FDXR: variants seen among roughly 807,000 people sequenced by gnomAD.
FDXR encodes NADPH:adrenodoxin oxidoreductase, mitochondrial.
FDXR carries 38 observed loss-of-function variants against 58.3 expected under a neutral mutation model. That is an observed-to-expected ratio of 0.65 (90% CI 0.50 to 0.85). The LOEUF is 0.85. FDXR is among the 40% of genes least tolerant of loss of function. The probability of loss-of-function intolerance (pLI) is 0.00; values close to 1 mark genes in which losing one functional copy is unlikely to be tolerated. For synonymous variants in FDXR, 275 were observed against 273.8 expected, an observed-to-expected ratio of 1.00 and a Z score of -0.04; for missense variants, 624 against 671.0, an observed-to-expected ratio of 0.93 and a Z score of 0.77.
chr17:74,867,924 T>G (rs2038248190), intron 2 of FDXR, among the ~76,000 whole-genome samples: 1 of 152,078 alleles, frequency 6.6e-6, no homozygotes. Context: ...CACAGGCCGG[T>G]TAGCAGTAAA....
At chr17:74,867,420 C>T (rs1043369868) in intron 2 of FDXR, among the ~76,000 whole-genome samples, 9 of 151,114 alleles carry the variant, frequency 6.0e-5, no homozygotes, top group Non-Finnish European at 8.8e-5. Context: ...TATATCAGGG[C>T]GGCTTCTTTA....
At chr17:74,863,045 C>A in intron 11 of FDXR, 31 bp downstream of exon 11, 1 of 1,603,706 alleles carries the variant, frequency 6.2e-7, no homozygotes, top group Non-Finnish European at 8.5e-7. Flanking sequence ...ACCCACCCCA[C>A]CTCCCAGGAC....
chr17:74,868,787 C>A (rs1311952967), intron 2 of FDXR: 2 of 1,463,438 alleles, frequency 1.4e-6, no homozygotes, highest in Non-Finnish European at 9.0e-7. Flanking sequence ...TCCCTCCTCC[C>A]TGAGGATTTA....
chr17:74,864,556 C>T lies in FDXR; in HGVS notation c.726G>A (p.Arg242=), dbSNP rs753973181. The change falls in exon 8 of 12, where the codon CGG becomes CGA. Residue 242 remains arginine (R), a synonymous_variant. Coordinates refer to ENST00000293195, the MANE Select transcript of FDXR (RefSeq NM_024417.5). ...LQVAFTIKEL[R]EMIQLPGARP... is the part of the protein sequence containing the mutation. ...GGGCTCCCGGTAACTGAATCATCTC[C>T]CGAAGCTCCTTGAAGGTGGGAGCAG... is the stretch of plus-strand genomic sequence containing the variant. 48 of 1,613,832 alleles carry T rather than the reference C, an allele frequency of 3.0e-5. No individual in the cohort carries two copies. The highest frequency in any genetic ancestry group is 4.0e-5 in the Non-Finnish European group (47 of 1,179,904).
chr17:74,872,035 C>A lies in FDXR; in HGVS notation c.177+1G>T, dbSNP rs1264403110. 6.3e-7 allele frequency: 1 copy of A among 1,582,018 alleles called. No individual in the cohort carries two copies. Among genetic ancestry groups the A allele is most frequent in the East Asian group, 2.2e-5 (1 of 44,542 alleles). Reference sequence around the variant, plus strand: ...TGATGGACTATGAGTAAGTGGCTTACCTTTAGCAGGTGTTGGGCCGTGTAG... The same window carrying A: ...TGATGGACTATGAGTAAGTGGCTTAACTTTAGCAGGTGTTGGGCCGTGTAG... On this transcript the variant is annotated splice_donor_variant, in intron 2 of 11. Transcript: ENST00000293195. LOFTEE classifies it high-confidence loss of function.
chr17:74,870,797 C>CT (rs200476203), intron 2 of FDXR, among the ~76,000 whole-genome samples: 54,319 of 88,036 alleles, frequency 0.62, 17,970 homozygotes, highest in Admixed American at 0.71. Flanking sequence ...CACTGTCTCT[C>CT]TTTTTTTTTT....
chr17:74,863,844 C>A (rs747036767), intron 10 of FDXR, 52 bp downstream of exon 10: 3 of 1,568,888 alleles, frequency 1.9e-6, no homozygotes, highest in Non-Finnish European at 2.6e-6. Flanking sequence ...GAGATACCAG[C>A]TTCTCGGCCT....
At chr17:74,867,306 CAAAAAAA>C (rs56079045) in intron 2 of FDXR, among the ~76,000 whole-genome samples, 7 of 16,544 alleles carry the variant, frequency 4.2e-4, no homozygotes, top group African/African-American at 5.8e-4. Flanking sequence ...GACTCTGTCT[CAAAAAAA>C]AAAAAAAAAA....
chr17:74,864,865 C>G lies in FDXR; in HGVS notation c.676G>C (p.Val226Leu), dbSNP rs751791983. 1 of 1,614,174 alleles carries G rather than the reference C, an allele frequency of 6.2e-7. No homozygotes were observed. Among genetic ancestry groups the G allele is most frequent in the Non-Finnish European group, 8.5e-7 (1 of 1,180,024 alleles). The change falls in exon 7 of 12, where the codon GTG becomes CTG. Residue 226 changes from valine to leucine, a missense_variant. By Grantham distance (32) the Val-to-Leu change is conservative. Transcript: ENST00000293195. ...RQSRVKTVWLVGRRGPLQVAF... is the reference protein window; with the variant it reads ...RQSRVKTVWLLGRRGPLQVAF... ...ACTTGCAGGGGTCCACGCCGGCCCA[C>G]TAGCCACACTGTCTTCACTCGACTC...
intron 2 of FDXR, chr17:74,868,429 A>C (rs912839454): frequency 2.9e-5 from 21 of 728,908 alleles, no homozygotes; most frequent in Non-Finnish European, 4.9e-5. Context: ...GAGAGCTATC[A>C]TTACTATTCT....
At chr17:74,863,290 T>A (rs529749122) in intron 10 of FDXR, 44 bp from the exon 11 acceptor site, 3 of 1,566,814 alleles carry the variant, frequency 1.9e-6, no homozygotes, top group Non-Finnish European at 2.6e-6. Context: ...GGTGGCTGGA[T>A]ACCACCCTGG....
intron 2 of FDXR, 74 bp from the exon 3 acceptor site, chr17:74,866,950 C>T (rs1452125417): frequency 6.4e-7 from 1 of 1,566,810 alleles, no homozygotes; most frequent in Admixed American, 1.9e-5. Context: ...CTCCCCTTCC[C>T]CAGACAGAGC....
In FDXR at chr17:74,863,963, T is replaced by A. The variant is rs143268395; in HGVS notation, c.1107A>T (p.Pro369=). ...SIGYKSRPVD[P]SVPFDSKLGV... ...CAAGCTTGGAGTCAAAGGGCACGCT[T>A]GGGTCGACAGGGCGGCTCTTATACC... The change falls in exon 10 of 12, where the codon CCA becomes CCT. Residue 369 remains proline (P), a synonymous_variant. Coordinates refer to ENST00000293195, the MANE Select transcript of FDXR (RefSeq NM_024417.5). 4.6e-4 allele frequency: 736 copies of A among 1,614,036 alleles called. 1 individual carries two copies. In the African/African-American group the frequency reaches 9.0e-3, roughly 20 times the overall value.
intron 2 of FDXR, among the ~76,000 whole-genome samples, chr17:74,870,797 C>CTTTTTTT (rs200476203): frequency 2.3e-5 from 2 of 88,430 alleles, no homozygotes; most frequent in Non-Finnish European, 4.2e-5. Flanking sequence ...CACTGTCTCT[C>CTTTTTTT]TTTTTTTTTT....
In FDXR at chr17:74,864,070, G is replaced by T. The variant is rs2038073311; in HGVS notation, c.1003-3C>A. Reference sequence around the variant, plus strand: ...GCACGGGTGGCCTCATCGACACCCTGTTGGGGAGAGTGTGGGCAACACCAG... The same window carrying T: ...GCACGGGTGGCCTCATCGACACCCTTTTGGGGAGAGTGTGGGCAACACCAG... On this transcript the variant is annotated splice_region_variant and splice_polypyrimidine_tract_variant and intron_variant, in intron 9 of 11. Coordinates refer to ENST00000293195, the MANE Select transcript of FDXR (RefSeq NM_024417.5). The T allele has an allele frequency of 6.2e-7, 1 of 1,613,798 alleles. No homozygotes were observed. Among genetic ancestry groups the T allele is most frequent in the African/African-American group, 1.3e-5 (1 of 75,060 alleles).
Position 74,863,888 on chromosome 17 carries a change from C to T in FDXR, c.1174+8G>A. 1 of 1,608,662 alleles carries T rather than the reference C, an allele frequency of 6.2e-7. No homozygotes were observed. The highest frequency in any genetic ancestry group is 2.2e-5 in the East Asian group (1 of 44,790). On this transcript the variant is annotated splice_region_variant and intron_variant, in intron 10 of 11. Coordinates refer to ENST00000293195, the MANE Select transcript of FDXR (RefSeq NM_024417.5). ...AATTCAGCACCCAGCCTCCTCACAC[C>T]CTCTCACCTGGCACATCCATAACCC...
chr17:74,868,437 T>G, intron 2 of FDXR: 1 of 738,736 alleles, frequency 1.4e-6, no homozygotes, highest in Non-Finnish European at 2.4e-6. Flanking sequence ...TCATTACTAT[T>G]CTGTTGTTGT....
chr17:74,867,853 G>T (rs2038245097), intron 2 of FDXR, among the ~76,000 whole-genome samples: 2 of 152,114 alleles, frequency 1.3e-5, no homozygotes, highest in African/African-American at 4.8e-5. Flanking sequence ...TAGGATGGAT[G>T]ACAGCTCTCT....
At chr17:74,871,354 T>C (rs1237900169) in intron 2 of FDXR, among the ~76,000 whole-genome samples, 2 of 152,242 alleles carry the variant, frequency 1.3e-5, no homozygotes, top group Non-Finnish European at 2.9e-5. Flanking sequence ...ATATTCATCC[T>C]TTCTCTTGTC....
Sources: gnomAD v4.1 joint callset for allele counts (sites outside exome capture counted in the v4.1 genomes callset) on GRCh38, gnomAD v4.1.1 for gene constraint, MANE v1.5 for transcripts, NCBI Gene and HGNC (gene_info 2026-07-23, HGNC 2026-07-21) for gene names.